The following OTOG variants were observed in gnomAD, a reference collection of about 807,000 sequenced individuals.
OTOG encodes the protein otogelin.
A neutral mutation model predicts 313.8 loss-of-function variants in OTOG; 296 were observed. The ratio of observed to expected loss-of-function variants is 0.94; its 90% CI spans 0.86 to 1.04. OTOG has a LOEUF of 1.04. Ranked by LOEUF, OTOG falls within the 50% of genes least tolerant of loss-of-function variation. The pLI is 0.00. For synonymous variants in OTOG, 1,533 were observed against 1,554.9 expected, an observed-to-expected ratio of 0.99 and a Z score of 0.33; for missense variants, 3,948 against 3,840.1, an observed-to-expected ratio of 1.03 and a Z score of -0.74.
intron 15 of OTOG, among the ~76,000 whole-genome samples, chr11:17,564,247 G>C (rs545020429): frequency 6.6e-6 from 1 of 152,192 alleles, no homozygotes; most frequent in Admixed American, 6.5e-5. Context: ...TGGCCTGTAG[G>C]GAGGTCAGCG....
rs894873545 is a variant in OTOG, at chr11:17,610,813, C to T, written c.5513C>T (p.Thr1838Met). 10 of 1,550,822 alleles carry T rather than the reference C, an allele frequency of 6.4e-6. No individual in the cohort carries two copies. The highest frequency in any genetic ancestry group is 3.6e-5 in the South Asian group (3 of 84,062). The change falls in exon 36 of 56, where the codon ACG becomes ATG. Residue 1838 changes from threonine (T) to methionine (M), a missense_variant. Coordinates refer to ENST00000399397, the MANE Select transcript of OTOG (RefSeq NM_001292063.2). ...ACCACTCCACTCCAGCCACAGGCCA[C>T]GACTCTGCCTGCTCAGACACTTAGC... is the stretch of plus-strand genomic sequence containing the variant. ...VITTPLQPQA[T>M]TLPAQTLSPV... is the part of the protein sequence containing the mutation.
chr11:17,626,857 T>G (rs1853996949), intron 39 of OTOG, among the ~76,000 whole-genome samples: 1 of 152,222 alleles, frequency 6.6e-6, no homozygotes. Flanking sequence ...AATTCTTAGA[T>G]AATTTAATTT....
Position 17,613,588 on chromosome 11 carries a change from A to G in OTOG, c.6439-24A>G, listed in dbSNP as rs945411574. On this transcript the variant is annotated intron_variant, in intron 38 of 55. Coordinates refer to ENST00000399397, the MANE Select transcript of OTOG (RefSeq NM_001292063.2). ...GGACAGAGGACAGGGCTCCAAGTTGATGAGGGCTGGGTTCTCTCTGCAGGG... is the reference window on the plus strand; with the variant it reads ...GGACAGAGGACAGGGCTCCAAGTTGGTGAGGGCTGGGTTCTCTCTGCAGGG... 8 of 1,545,938 alleles carry G rather than the reference A, an allele frequency of 5.2e-6. No individual in the cohort carries two copies. In the African/African-American group the frequency reaches 6.9e-5, roughly 13 times the overall value.
chr11:17,593,774 G>A lies in OTOG; in HGVS notation c.3288+18G>A. On this transcript the variant is annotated intron_variant, in intron 27 of 55. Coordinates refer to ENST00000399397, the MANE Select transcript of OTOG (RefSeq NM_001292063.2). Reference sequence around the variant, plus strand: ...AGTGGCAGGTACTTACATGAGCAGTGACATTCTGCTCCTGCCTGGGGCTAA... The same window carrying A: ...AGTGGCAGGTACTTACATGAGCAGTAACATTCTGCTCCTGCCTGGGGCTAA... 1 of 1,545,342 alleles carries A rather than the reference G, an allele frequency of 6.5e-7. No individual in the cohort carries two copies. The highest frequency in any genetic ancestry group is 1.2e-5 in the South Asian group (1 of 83,898).
At position 17,610,679 on chromosome 11, in the gene OTOG, T is replaced by C; in HGVS notation, c.5379T>C (p.Thr1793=). The change falls in exon 36 of 56, where the codon ACT becomes ACC. Residue 1793 remains threonine (T), a synonymous_variant. Coordinates refer to ENST00000399397, the MANE Select transcript of OTOG (RefSeq NM_001292063.2). The part of the protein sequence containing the change: ...AATPFMSLES[T]RPSQLLSGLP... ...CACCCTTCATGTCCCTTGAGTCAACTCGTCCCTCCCAGCTCCTCTCTGGCC... is the reference window on the plus strand; with the variant it reads ...CACCCTTCATGTCCCTTGAGTCAACCCGTCCCTCCCAGCTCCTCTCTGGCC... 6.4e-7 allele frequency: 1 copy of C among 1,550,480 alleles called. No individual in the cohort carries two copies. The highest frequency in any genetic ancestry group is 8.7e-7 in the Non-Finnish European group (1 of 1,146,962).
intron 39 of OTOG, among the ~76,000 whole-genome samples, chr11:17,621,530 T>C (rs948548271): frequency 5.9e-5 from 9 of 152,154 alleles, no homozygotes; most frequent in Non-Finnish European, 1.0e-4. Flanking sequence ...CATTGATCAA[T>C]ATTCAGCTGA....
intron 13 of OTOG, 130 bp downstream of exon 13, chr11:17,560,947 T>C: frequency 8.5e-7 from 1 of 1,177,832 alleles, no homozygotes. Flanking sequence ...CCCAGGGGAG[T>C]CTCATTAGAT....
intron 26 of OTOG, 23 bp downstream of exon 26, chr11:17,593,350 GTTGTGTAGACA>G: frequency 1.9e-6 from 3 of 1,549,980 alleles, no homozygotes; most frequent in Non-Finnish European, 2.6e-6. Context: ...GCCTGTGAAG[GTTGTGTAGACA>G]ATTTACAGGT....
At position 17,595,499 on chromosome 11, in the gene OTOG, G is replaced by A. The variant is rs1317874432; in HGVS notation, c.3409-539G>A. Among the ~76,000 whole-genome samples the A allele has an allele frequency of 6.6e-5, 10 of 152,322 alleles. No homozygotes were observed. The East Asian group carries it at 1.7e-3, about 26-fold the overall frequency. On this transcript the variant is annotated intron_variant, in intron 28 of 55. Coordinates refer to ENST00000399397, the MANE Select transcript of OTOG (RefSeq NM_001292063.2). ...AGGAGTCAGGACACGGCCTGACTTG[G>A]TTCCCTGCTTAGTGTCTCACAAGGC...
intron 15 of OTOG, among the ~76,000 whole-genome samples, chr11:17,566,113 G>T (rs1466326346): frequency 6.6e-6 from 1 of 151,890 alleles, no homozygotes; most frequent in Non-Finnish European, 1.5e-5. Context: ...AGATAATGTG[G>T]GTATTATCTG....
intron 15 of OTOG, among the ~76,000 whole-genome samples, chr11:17,563,555 T>A (rs1852233846): frequency 6.6e-6 from 1 of 152,162 alleles, no homozygotes; most frequent in Admixed American, 6.5e-5. Flanking sequence ...TCCTCAAAAG[T>A]GGGGTCATTC....
chr11:17,560,883 C>T (rs1264539840), intron 13 of OTOG, 66 bp downstream of exon 13: 5 of 1,388,604 alleles, frequency 3.6e-6, no homozygotes, highest in Non-Finnish European at 5.0e-6. Context: ...CGAGGGCTGC[C>T]CATCTGGGAG....
intron 32 of OTOG, among the ~76,000 whole-genome samples, chr11:17,604,810 C>T (rs1853341926): frequency 6.6e-6 from 1 of 152,258 alleles, no homozygotes; most frequent in Non-Finnish European, 1.5e-5. Flanking sequence ...ATTTCAAAAC[C>T]TGCAGGTAAC....
intron 49 of OTOG, among the ~76,000 whole-genome samples, chr11:17,639,943 GCA>G (rs1847936153): frequency 6.7e-6 from 1 of 150,040 alleles, no homozygotes; most frequent in African/African-American, 2.5e-5. Flanking sequence ...TGGTGATAAT[GCA>G]ATGATGGTGG....
Position 17,611,367 on chromosome 11 carries a change from G to A in OTOG, c.6067G>A (p.Gly2023Ser), listed in dbSNP as rs888106032. Reference sequence around the variant, plus strand: ...AGCCCCAGCCCTGAGCATCGTAGAGGGTTTGGCGGAGGCTTTGGCAACTAC... The same window carrying A: ...AGCCCCAGCCCTGAGCATCGTAGAGAGTTTGGCGGAGGCTTTGGCAACTAC... ...RSAPALSIVE[G>S]LAEALATTTE... The change falls in exon 36 of 56, where the codon GGT (glycine) becomes AGT (serine). Residue 2023 changes from glycine to serine, a missense_variant. By Grantham distance (56) the Gly-to-Ser change is moderately conservative (BLOSUM62 0). Transcript: ENST00000399397. 10 of 1,545,994 alleles carry A rather than the reference G, an allele frequency of 6.5e-6. No individual in the cohort carries two copies. The highest frequency in any genetic ancestry group is 2.5e-5 in the East Asian group (1 of 40,784).
Position 17,610,670 on chromosome 11 carries a change from T to G in OTOG, c.5370T>G (p.Leu1790=). The G allele has an allele frequency of 1.3e-6, 2 of 1,550,466 alleles. No homozygotes were observed. Among genetic ancestry groups the G allele is most frequent in the Middle Eastern group, 1.7e-4 (1 of 6,014 alleles). The change falls in exon 36 of 56, where the codon CTT becomes CTG. Residue 1790 remains leucine, a synonymous_variant. Transcript: ENST00000399397. ...DGLAATPFMS[L]ESTRPSQLLS... is the part of the protein sequence containing the mutation. The stretch of plus-strand genomic sequence containing the variant: ...TGGCAGCCACACCCTTCATGTCCCT[T>G]GAGTCAACTCGTCCCTCCCAGCTCC...
At chr11:17,613,862 G>A (rs1431088293) in intron 39 of OTOG, among the ~76,000 whole-genome samples, 161 bp downstream of exon 39, 3 of 152,110 alleles carry the variant, frequency 2.0e-5, no homozygotes, top group Non-Finnish European at 2.9e-5. Flanking sequence ...ATATTTGGAA[G>A]TGATTATAAT....
chr11:17,592,886 T>G (rs1046830088), intron 25 of OTOG, among the ~76,000 whole-genome samples: 5 of 152,238 alleles, frequency 3.3e-5, no homozygotes, highest in African/African-American at 9.6e-5. Context: ...TACACTAGCA[T>G]CAAGGATGTA....
chr11:17,548,504 C>T (rs913203187), intron 3 of OTOG, among the ~76,000 whole-genome samples: 1 of 134,022 alleles, frequency 7.5e-6, no homozygotes, highest in East Asian at 2.2e-4. Context: ...TGAGCTCTCC[C>T]TTCTGGCAGG....
Sources: allele counts gnomAD v4.1 joint callset (sites outside exome capture counted in the v4.1 genomes callset), GRCh38; gene constraint gnomAD v4.1.1; transcripts MANE v1.5; gene names NCBI Gene and HGNC (gene_info 2026-07-23, HGNC 2026-07-21).